Variants in ANKS1B observed in about 807,000 individuals in gnomAD.
The protein encoded by ANKS1B is ankyrin repeat and sterile alpha motif domain containing 1B.
In ANKS1B, 36 loss-of-function variants were observed where a neutral mutation model predicts 148.3. The ratio of observed to expected loss-of-function variants is 0.24; its 90% CI spans 0.19 to 0.32. The LOEUF (loss-of-function observed/expected upper bound fraction) is 0.32. Among genes scored for constraint, ANKS1B ranks in the 10% least tolerant of loss-of-function variants. ANKS1B has a pLI of 1.00. For missense variants in ANKS1B, 1,157 were observed against 1,542.6 expected, an observed-to-expected ratio of 0.75 and a Z score of 4.19; for synonymous variants, 542 against 560.8, an observed-to-expected ratio of 0.97 and a Z score of 0.47.
intron 9 of ANKS1B, among the ~76,000 whole-genome samples, chr12:99,577,226 C>T (rs1730297933): frequency 1.3e-5 from 2 of 151,082 alleles, no homozygotes; most frequent in Non-Finnish European, 3.0e-5. Context: ...AATTTTCTGT[C>T]CTGCTATTTC....
At chr12:99,913,612 A>G (rs1690235722) in intron 1 of ANKS1B, among the ~76,000 whole-genome samples, 1 of 152,206 alleles carries the variant, frequency 6.6e-6, no homozygotes, top group Admixed American at 6.5e-5. Flanking sequence ...TGCAGGACCT[A>G]AATGCTGAAC....
At chr12:99,667,147 A>G (rs2098512331) in intron 8 of ANKS1B, among the ~76,000 whole-genome samples, 1 of 152,064 alleles carries the variant, frequency 6.6e-6, no homozygotes, top group South Asian at 2.1e-4. Flanking sequence ...GGAGTTCGAG[A>G]CAAGCCTGGC....
At chr12:99,739,342 T>TG (rs572176200) in intron 8 of ANKS1B, among the ~76,000 whole-genome samples, 3,493 of 124,242 alleles carry the variant, frequency 0.028, 68 homozygotes, top group Non-Finnish European at 0.035. Flanking sequence ...GGGTTTTTTT[T>TG]GGGGGGGGCG....
intron 12 of ANKS1B, among the ~76,000 whole-genome samples, chr12:99,256,149 T>G (rs548311235): frequency 1.3e-5 from 2 of 151,620 alleles, no homozygotes; most frequent in Admixed American, 6.6e-5. Flanking sequence ...ACTCGAGAGG[T>G]TGAAGCAGGA....
chr12:99,389,183 C>A (rs1032679234), intron 12 of ANKS1B, among the ~76,000 whole-genome samples: 5 of 152,194 alleles, frequency 3.3e-5, no homozygotes, highest in African/African-American at 4.8e-5. Flanking sequence ...GTAGAAGTAA[C>A]TGGGGAGAAT....
At chr12:99,195,305 A>C (rs926077705) in intron 14 of ANKS1B, among the ~76,000 whole-genome samples, 16 of 152,188 alleles carry the variant, frequency 1.1e-4, no homozygotes, top group African/African-American at 3.6e-4. Flanking sequence ...TTAAGTGCCT[A>C]GTGTATTAAA....
chr12:98,869,562 C>T (rs893344024), intron 17 of ANKS1B, among the ~76,000 whole-genome samples: 2 of 152,032 alleles, frequency 1.3e-5, no homozygotes, highest in Non-Finnish European at 2.9e-5. Flanking sequence ...TCCTGGAACC[C>T]TAGAGGCTTC....
chr12:99,484,333 G>A (rs931733186), intron 10 of ANKS1B, among the ~76,000 whole-genome samples: 3 of 151,760 alleles, frequency 2.0e-5, no homozygotes, highest in African/African-American at 4.8e-5. Flanking sequence ...TTGATTTCTG[G>A]TTTTATTTTG....
At chr12:99,648,094 C>G in intron 9 of ANKS1B, 1 of 1,530,026 alleles carries the variant, frequency 6.5e-7, no homozygotes, top group Non-Finnish European at 8.8e-7. Flanking sequence ...CCAGAGTAGC[C>G]AAGGAAACAG....
At chr12:99,537,166 T>C (rs1006179191) in intron 9 of ANKS1B, among the ~76,000 whole-genome samples, 1 of 152,182 alleles carries the variant, frequency 6.6e-6, no homozygotes, top group Non-Finnish European at 1.5e-5. Flanking sequence ...CATCTGTTGA[T>C]GGACGCTTTG....
intron 1 of ANKS1B, among the ~76,000 whole-genome samples, chr12:99,937,168 G>A (rs998115812): frequency 6.6e-6 from 1 of 152,162 alleles, no homozygotes; most frequent in East Asian, 1.9e-4. Context: ...GCCCACTCAT[G>A]GATGTGCTTC....
At chr12:99,416,585 C>T (rs2094916305) in intron 11 of ANKS1B, among the ~76,000 whole-genome samples, 1 of 152,108 alleles carries the variant, frequency 6.6e-6, no homozygotes, top group African/African-American at 2.4e-5. Flanking sequence ...TTTGCGTCTC[C>T]CTTGTGGATA....
chr12:99,626,328 CA>C (rs1377030021), intron 9 of ANKS1B, among the ~76,000 whole-genome samples: 2 of 152,094 alleles, frequency 1.3e-5, no homozygotes, highest in African/African-American at 4.8e-5. Context: ...AATGGTACAT[CA>C]AAGGTATTTA....
chr12:99,309,240 A>G (rs2082802871), intron 12 of ANKS1B, among the ~76,000 whole-genome samples: 1 of 151,946 alleles, frequency 6.6e-6, no homozygotes, highest in African/African-American at 2.4e-5. Context: ...TTTTAGATAG[A>G]TAATTTTTGT....
At chr12:99,498,034 C>A (rs2096620583) in intron 10 of ANKS1B, among the ~76,000 whole-genome samples, 1 of 152,160 alleles carries the variant, frequency 6.6e-6, no homozygotes, top group South Asian at 2.1e-4. Flanking sequence ...CAAGTGTCAG[C>A]ATTCTCAAGA....
chr12:98,746,262 A>C (rs1053152640), intron 26 of ANKS1B, among the ~76,000 whole-genome samples: 9 of 152,118 alleles, frequency 5.9e-5, no homozygotes, highest in African/African-American at 2.2e-4. Flanking sequence ...GTCAGTCAGA[A>C]CAAAACCCGA....
At chr12:99,081,637 C>T (rs141128444) in intron 16 of ANKS1B, among the ~76,000 whole-genome samples, 7 of 152,262 alleles carry the variant, frequency 4.6e-5, no homozygotes, top group African/African-American at 1.2e-4. Context: ...AGCTCTTCTG[C>T]ATCAGCCTCT....
At chr12:99,238,409 C>A (rs1237946671) in intron 14 of ANKS1B, among the ~76,000 whole-genome samples, 4 of 152,182 alleles carry the variant, frequency 2.6e-5, no homozygotes, top group Non-Finnish European at 4.4e-5. Flanking sequence ...CCGGGAAGCT[C>A]CAAATGGGTG....
At chr12:99,105,643 C>T (rs1365751161) in intron 15 of ANKS1B, among the ~76,000 whole-genome samples, 2 of 150,852 alleles carry the variant, frequency 1.3e-5, no homozygotes, top group African/African-American at 4.9e-5. Context: ...GTGGCGGGTG[C>T]CTGTAGTCCC....
Sources: gnomAD v4.1 joint callset for allele counts (sites outside exome capture counted in the v4.1 genomes callset) on GRCh38, gnomAD v4.1.1 for gene constraint, MANE v1.5 for transcripts, NCBI Gene and HGNC (gene_info 2026-07-23, HGNC 2026-07-21) for gene names.